The following SSBP4 variants were observed in gnomAD, a reference collection of about 807,000 sequenced individuals.
SSBP4 encodes the protein single stranded DNA binding protein 4.
A neutral mutation model predicts 64.6 loss-of-function variants in SSBP4; 33 were observed. That is an observed-to-expected ratio of 0.51 (90% confidence interval 0.39 to 0.68). SSBP4 has a LOEUF of 0.68. Among genes scored for constraint, SSBP4 ranks in the 30% least tolerant of loss-of-function variants. SSBP4 has a pLI of 0.00. For missense variants in SSBP4, 583 were observed against 566.8 expected, an observed-to-expected ratio of 1.03 and a Z score of -0.29; for synonymous variants, 243 against 224.0, an observed-to-expected ratio of 1.08 and a Z score of -0.76.
chr19:18,417,022 C>T (rs1209576507), upstream of SSBP4, among the ~76,000 whole-genome samples: 1 of 152,118 alleles, frequency 6.6e-6, no homozygotes, highest in Non-Finnish European at 1.5e-5. The surrounding 1 kb of genome is among the most constrained non-coding windows in gnomAD (Gnocchi z 5.4). Flanking sequence ...CTCCGCGCCT[C>T]CCCCATCACA....
In SSBP4 at chr19:18,431,660, CGCG is replaced by C. The variant is rs2144788373; in HGVS notation, c.450_452del (p.Arg151del). The stretch of plus-strand genomic sequence containing the variant: ...CACCTCTTCCAGCCCTTCATGTCAC[CGCG>C]CTTCCCAGGGGGCCCCCGGCCCACC... On this transcript the variant is annotated inframe_deletion, in exon 7 of 18. Transcript: ENST00000270061. 1.9e-6 allele frequency: 3 copies of C among 1,552,184 alleles called. No individual in the cohort carries two copies. The Admixed American group carries it at 5.8e-5, about 30-fold the overall frequency.
chr19:18,417,143 G>A (rs1039329380), upstream of SSBP4, among the ~76,000 whole-genome samples: 3 of 150,430 alleles, frequency 2.0e-5, no homozygotes, highest in Admixed American at 6.6e-5. This position sits in a 1 kb window ranked among gnomAD's most constrained non-coding sequence, Gnocchi z 5.4. Context: ...CCTGTCACCA[G>A]GGGTCCCCTC....
chr19:18,422,503 C>T (rs1972533161), intron 1 of SSBP4, among the ~76,000 whole-genome samples: 1 of 152,196 alleles, frequency 6.6e-6, no homozygotes, highest in Non-Finnish European at 1.5e-5. Context: ...GAAAGAAAGC[C>T]TGGAAAACGC....
Position 18,434,206 on chromosome 19 carries a change from T to A in SSBP4, c.1129-11T>A. 6.2e-7 allele frequency: 1 copy of A among 1,611,012 alleles called. No homozygotes were observed. ...TCGGCCCCTGCGCGCTGCCCCCTCC[T>A]CTCTCCGCAGTACTCGCCAGGGATG... On this transcript the variant is annotated splice_polypyrimidine_tract_variant and intron_variant, in intron 17 of 17. Transcript: ENST00000270061.
At chr19:18,416,332 G>T (rs937172395), upstream of SSBP4, among the ~76,000 whole-genome samples, 2 of 151,996 alleles carry the variant, frequency 1.3e-5, no homozygotes, top group African/African-American at 4.8e-5. Context: ...TTAGTTTTTA[G>T]TAAGAGTCTT....
rs1005355231 is a variant in SSBP4 at position 18,426,894 on chromosome 19, T to C, written c.60-457T>C. 5.9e-5 allele frequency among the ~76,000 whole-genome samples: 9 copies of C among 152,006 alleles called. No homozygotes were observed. The highest frequency in any genetic ancestry group is 8.8e-5 in the Non-Finnish European group (6 of 67,966). ...TCTCTTCCCCAAGGAAGAGATGGGG[T>C]CCAGGGACTGCAGGGGATGTGGGGT... On this transcript the variant is annotated intron_variant, in intron 1 of 17. Coordinates refer to ENST00000270061, the MANE Select transcript of SSBP4 (RefSeq NM_032627.5). The surrounding 1 kb of genome is among the most constrained non-coding windows in gnomAD (Gnocchi z 4.5).
intron 10 of SSBP4, among the ~76,000 whole-genome samples, 161 bp from the exon 11 acceptor site, chr19:18,432,392 TGGGTTG>T (rs1019905828): frequency 2.0e-5 from 3 of 152,148 alleles, no homozygotes; most frequent in Non-Finnish European, 4.4e-5. Context: ...GGGCCAGTGA[TGGGTTG>T]GGATTGGAAC....
intron 6 of SSBP4, 27 bp from the exon 7 acceptor site, chr19:18,431,620 G>A (rs1391155962): frequency 6.5e-7 from 1 of 1,532,336 alleles, no homozygotes; most frequent in Non-Finnish European, 8.8e-7. Flanking sequence ...GTGGGGGAAG[G>A]TGCTGATCCC....
At position 18,432,614 on chromosome 19, in the gene SSBP4, T is replaced by C. The variant is rs761139003; in HGVS notation, c.750+10T>C. 4.0e-6 allele frequency: 3 copies of C among 750,904 alleles called. No individual in the cohort carries two copies. The highest frequency in any genetic ancestry group is 3.9e-6 in the Non-Finnish European group (2 of 509,608). 46.5% of individuals were successfully genotyped at this position (750,904 alleles called of 1,614,324 possible). On this transcript the variant is annotated intron_variant, in intron 11 of 17. Coordinates refer to ENST00000270061, the MANE Select transcript of SSBP4 (RefSeq NM_032627.5). ...CCCCAGTGGAAACTCGGTGAGCCTA[T>C]GGCTGGGTGGGCAGGCTTGGGGTGG...
At chr19:18,433,466 G>A in intron 15 of SSBP4, 119 bp from the exon 16 acceptor site, 1 of 1,486,206 alleles carries the variant, frequency 6.7e-7, no homozygotes, top group Non-Finnish European at 9.0e-7. Flanking sequence ...TTCCTGGCGG[G>A]CTGTGCGGGG....
intron 8 of SSBP4, 28 bp downstream of exon 8, chr19:18,431,890 C>T (rs1054735867): frequency 1.9e-6 from 3 of 1,567,422 alleles, no homozygotes; most frequent in Non-Finnish European, 2.6e-6. Context: ...AGCCCCTATC[C>T]CGCCATCAAT....
At chr19:18,422,629 C>G (rs1972540181) in intron 1 of SSBP4, among the ~76,000 whole-genome samples, 1 of 152,220 alleles carries the variant, frequency 6.6e-6, no homozygotes, top group Non-Finnish European at 1.5e-5. Flanking sequence ...CAGCCCCAGG[C>G]CTCAGTTTCC....
chr19:18,413,658 G>A, the SSBP4 span, among the ~76,000 whole-genome samples: 1 of 152,206 alleles, frequency 6.6e-6, no homozygotes, highest in Non-Finnish European at 1.5e-5. Flanking sequence ...GAGCAGGGGA[G>A]GTCGTGGGAA....
At chr19:18,410,896 C>T in the SSBP4 span, among the ~76,000 whole-genome samples, 1 of 152,148 alleles carries the variant, frequency 6.6e-6, no homozygotes, top group African/African-American at 2.4e-5. Flanking sequence ...ATCTTTAGTC[C>T]ATTTGCTCAG....
intron 1 of SSBP4, among the ~76,000 whole-genome samples, chr19:18,422,684 A>G (rs1023886971): frequency 6.6e-6 from 1 of 152,154 alleles, no homozygotes; most frequent in African/African-American, 2.4e-5. Context: ...CTTTGCAAGG[A>G]CTGGGTGGGA....
the SSBP4 span, among the ~76,000 whole-genome samples, chr19:18,408,340 C>A: frequency 6.6e-6 from 1 of 152,126 alleles, no homozygotes; most frequent in African/African-American, 2.4e-5. Context: ...TGAGAAAGGA[C>A]CCATTCCTGG....
At position 18,430,876 on chromosome 19, in the gene SSBP4, T is replaced by C. The variant is rs1568353172; in HGVS notation, c.315T>C (p.Ser105=). The change falls in exon 5 of 18, where the codon AGT becomes AGC. Residue 105 remains serine, a synonymous_variant. Coordinates refer to ENST00000270061, the MANE Select transcript of SSBP4 (RefSeq NM_032627.5). ...CCGCCCCCAGCCCCGTTATGGGGAG[T>C]ATGGCCCCAGGTGACACAATGGCCG... ...AAAAPSPVMG[S]MAPGDTMAAG... The C allele has an allele frequency of 4.3e-6, 7 of 1,612,840 alleles. No homozygotes were observed. In the South Asian group the frequency reaches 7.7e-5, roughly 18 times the overall value.
intron 1 of SSBP4, chr19:18,425,886 AC>A (rs1972820729): frequency 6.6e-6 from 1 of 152,368 alleles, no homozygotes; most frequent in Non-Finnish European, 1.5e-5. Context: ...CCAAGCTGCC[AC>A]AGAGCTCACC....
At chr19:18,418,004 C>T (rs1972194151), upstream of SSBP4, among the ~76,000 whole-genome samples, 1 of 152,190 alleles carries the variant, frequency 6.6e-6, no homozygotes, top group Non-Finnish European at 1.5e-5. The surrounding 1 kb of genome is among the most constrained non-coding windows in gnomAD (Gnocchi z 6.7). Context: ...AGCACAGAGC[C>T]ACACACAGGT....
Sources: gnomAD v4.1 joint callset for allele counts (sites outside exome capture counted in the v4.1 genomes callset) on GRCh38, gnomAD v4.1.1 for gene constraint, Gnocchi (gnomAD v3.1) non-coding constraint, MANE v1.5 for transcripts, NCBI Gene and HGNC (gene_info 2026-07-23, HGNC 2026-07-21) for gene names.